Variants in HDAC8 observed in about 807,000 individuals in gnomAD.
HDAC8 encodes histone deacetylase 8.
In HDAC8, 1 loss-of-function variant was observed where a neutral mutation model predicts 32.2. The ratio of observed to expected loss-of-function variants is 0.03; its 90% CI spans 0.01 to 0.15. HDAC8 has a LOEUF of 0.15. Among genes scored for constraint, HDAC8 ranks in the 10% least tolerant of loss-of-function variants. The probability of loss-of-function intolerance (pLI) is 1.00; values close to 1 mark genes in which losing one functional copy is unlikely to be tolerated. For synonymous variants in HDAC8, 108 were observed against 113.9 expected (o/e 0.95, Z 0.33); for missense variants, 117 against 300.0 (o/e 0.39, Z 4.51).
At chrX:72,432,195 A>C (rs781860076) in intron 9 of HDAC8, among the ~76,000 whole-genome samples, 6 of 110,242 alleles carry the variant, frequency 5.4e-5, no homozygotes, top group Non-Finnish European at 1.1e-4. Context: ...GCTAATCTCA[A>C]ACTCCTGGGC....
intron 8 of HDAC8, among the ~76,000 whole-genome samples, chrX:72,462,800 C>T (rs901895029): frequency 9.0e-6 from 1 of 111,695 alleles, no homozygotes; most frequent in Admixed American, 9.5e-5. Flanking sequence ...AGCATTAGAA[C>T]ATTGGCCTTT....
At chrX:72,554,505 G>GAGGGCGGGT (rs1353177544) in intron 4 of HDAC8, among the ~76,000 whole-genome samples, 5 of 91,122 alleles carry the variant, frequency 5.5e-5, no homozygotes, top group Non-Finnish European at 1.1e-4. Flanking sequence ...GGGGAGCGGG[G>GAGGGCGGGT]AGGGCGGGGA....
chrX:72,449,796 A>T (rs1340035459), intron 9 of HDAC8, among the ~76,000 whole-genome samples: 3 of 111,770 alleles, frequency 2.7e-5, no homozygotes, highest in Non-Finnish European at 5.6e-5. Context: ...AAAGGGATGG[A>T]AAAGATAAGG....
chrX:72,474,364 T>C (rs782512800), intron 7 of HDAC8: 1 of 827,643 alleles, frequency 1.2e-6, no homozygotes, highest in African/African-American at 2.2e-5. Context: ...TTATACATAG[T>C]AGGCATTCAA....
At chrX:72,556,120 A>G (rs1293830018) in intron 4 of HDAC8, among the ~76,000 whole-genome samples, 2 of 112,018 alleles carry the variant, frequency 1.8e-5, no homozygotes, top group African/African-American at 6.5e-5. Flanking sequence ...CAAAACAATT[A>G]TCAACCAAGA....
intron 4 of HDAC8, among the ~76,000 whole-genome samples, chrX:72,503,229 C>T (rs984629533): frequency 3.6e-5 from 4 of 111,760 alleles, no homozygotes; most frequent in Non-Finnish European, 5.6e-5. Context: ...TTCAGAGTCC[C>T]GTGGAAAAGA....
chrX:72,388,876 C>T (rs1295391917), intron 9 of HDAC8, among the ~76,000 whole-genome samples: 1 of 111,911 alleles, frequency 8.9e-6, no homozygotes, highest in Non-Finnish European at 1.9e-5. Flanking sequence ...GGTGCACCTT[C>T]ACAAGAAACT....
intron 9 of HDAC8, among the ~76,000 whole-genome samples, chrX:72,407,457 C>G: frequency 8.9e-6 from 1 of 112,196 alleles, no homozygotes; most frequent in South Asian, 3.8e-4. Context: ...CCCAATAAAT[C>G]CCATTATTCT....
intron 4 of HDAC8, among the ~76,000 whole-genome samples, chrX:72,553,612 T>TAC (rs1235808112): frequency 8.9e-6 from 1 of 111,765 alleles, no homozygotes; most frequent in African/African-American, 3.3e-5. Context: ...AAAATATATA[T>TAC]ACAATCCCTT....
intron 4 of HDAC8, among the ~76,000 whole-genome samples, chrX:72,510,502 A>T (rs903993602): frequency 2.7e-5 from 3 of 111,881 alleles, no homozygotes; most frequent in Non-Finnish European, 5.6e-5. Flanking sequence ...CTGGAAGGCC[A>T]GTTTTTGGAC....
At chrX:72,436,274 TC>T (rs1217722542) in intron 9 of HDAC8, among the ~76,000 whole-genome samples, 1 of 111,149 alleles carries the variant, frequency 9.0e-6, no homozygotes, top group Admixed American at 9.6e-5. Flanking sequence ...AAAATAATAA[TC>T]AAATGTCTGA....
chrX:72,453,460 A>AAAAGAAAGAAAGAAAGAAAGAAAG (rs1555988386), intron 9 of HDAC8, among the ~76,000 whole-genome samples: 8 of 43,489 alleles, frequency 1.8e-4, no homozygotes, highest in African/African-American at 5.5e-4. Context: ...CTGTCTCTTA[A>AAAAGAAAGAAAGAAAGAAAGAAAG]AAATAAAGAA....
At chrX:72,500,820 G>A (rs1014199866) in intron 4 of HDAC8, among the ~76,000 whole-genome samples, 2 of 111,843 alleles carry the variant, frequency 1.8e-5, no homozygotes, top group Non-Finnish European at 1.9e-5. Flanking sequence ...AATAGGAAGA[G>A]AGGAAGTCAA....
intron 4 of HDAC8, among the ~76,000 whole-genome samples, chrX:72,521,836 C>T (rs782702230): frequency 1.8e-5 from 2 of 110,908 alleles, no homozygotes; most frequent in African/African-American, 3.3e-5. Flanking sequence ...GACCCATTCT[C>T]GGTCCTCAAC....
In HDAC8 at chrX:72,425,025, T is replaced by C. The variant is rs782202011; in HGVS notation, c.1005+36979A>G. On this transcript the variant is annotated intron_variant, in intron 9 of 10. Coordinates refer to ENST00000373573, the MANE Select transcript of HDAC8 (RefSeq NM_018486.3). ...TTTTGCATAATGCTATAGTTAACATTGATATACCAGTACCCACTTTTGATT... is the reference window on the plus strand; with the variant it reads ...TTTTGCATAATGCTATAGTTAACATCGATATACCAGTACCCACTTTTGATT... Among the ~76,000 whole-genome samples, 12 of 112,173 alleles carry C rather than the reference T, an allele frequency of 1.1e-4. No individual in the cohort carries two copies. The East Asian group carries it at 3.3e-3, about 31-fold the overall frequency.
intron 9 of HDAC8, among the ~76,000 whole-genome samples, chrX:72,366,910 T>C (rs1459870649): frequency 8.9e-6 from 1 of 111,826 alleles, no homozygotes; most frequent in Non-Finnish European, 1.9e-5. Context: ...TTTTGTCTGC[T>C]CTCCCATTCA....
At position 72,502,320 on chromosome X, in the gene HDAC8, G is replaced by A. The variant is rs782803987; in HGVS notation, c.438-7052C>T. Reference sequence around the variant, plus strand: ...CATTCTACTATAAAGACACATGCACGTGAATGTTCACTGCGGCACTATTCA... The same window carrying A: ...CATTCTACTATAAAGACACATGCACATGAATGTTCACTGCGGCACTATTCA... On this transcript the variant is annotated intron_variant, in intron 4 of 10. Transcript: ENST00000373573. Among the ~76,000 whole-genome samples the A allele has an allele frequency of 3.6e-5, 4 of 111,813 alleles. 1 individual carries two copies. In the South Asian group the frequency reaches 1.5e-3, roughly 42 times the overall value.
At chrX:72,569,987 G>A (rs2051955561) in intron 2 of HDAC8, among the ~76,000 whole-genome samples, 1 of 112,350 alleles carries the variant, frequency 8.9e-6, no homozygotes, top group South Asian at 3.7e-4. Flanking sequence ...GCCACAGGGA[G>A]GCAGCAGTGG....
chrX:72,558,996 C>T (rs2051383045), intron 4 of HDAC8, among the ~76,000 whole-genome samples: 1 of 102,215 alleles, frequency 9.8e-6, no homozygotes, highest in South Asian at 5.0e-4. Context: ...ACAATAGCTG[C>T]AGAAAAAATA....
Sources: allele counts gnomAD v4.1 joint callset (sites outside exome capture counted in the v4.1 genomes callset), GRCh38; gene constraint gnomAD v4.1.1; transcripts MANE v1.5; gene names NCBI Gene and HGNC (gene_info 2026-07-23, HGNC 2026-07-21).